The following TFEC variants were observed in gnomAD, a reference collection of about 807,000 sequenced individuals.
TFEC encodes the protein class E basic helix-loop-helix protein 34.
A neutral mutation model predicts 41.6 loss-of-function variants in TFEC; 31 were observed. The observed-to-expected ratio is 0.74, with a 90% confidence interval of 0.56 to 1.01. TFEC has a LOEUF of 1.01. TFEC is among the 50% of genes least tolerant of loss of function. The pLI, the probability that TFEC is intolerant of heterozygous loss-of-function variation, is 0.00. For missense variants in TFEC, 402 were observed against 404.1 expected, an observed-to-expected ratio of 0.99 and a Z score of 0.04; for synonymous variants, 143 against 140.6, an observed-to-expected ratio of 1.02 and a Z score of -0.12.
intron 6 of TFEC, among the ~76,000 whole-genome samples, chr7:115,946,207 A>C (rs1791536731): frequency 1.3e-5 from 2 of 151,338 alleles, no homozygotes; most frequent in Admixed American, 1.3e-4. Flanking sequence ...AGAGACTTTA[A>C]AAGATTTGAA....
chr7:116,055,845 T>G (rs1256049376), intron 3 of TFEC, among the ~76,000 whole-genome samples: 1 of 152,122 alleles, frequency 6.6e-6, no homozygotes, highest in African/African-American at 2.4e-5. Context: ...TTATTGTTTC[T>G]GTGTTCTTTT....
At chr7:116,057,115 T>A (rs1796449933) in intron 3 of TFEC, among the ~76,000 whole-genome samples, 1 of 151,886 alleles carries the variant, frequency 6.6e-6, no homozygotes, top group African/African-American at 2.4e-5. Flanking sequence ...TAAAATGAAA[T>A]GCAGAGTAAA....
At chr7:116,049,703 T>C (rs928272390) in intron 3 of TFEC, among the ~76,000 whole-genome samples, 10 of 152,210 alleles carry the variant, frequency 6.6e-5, no homozygotes, top group Admixed American at 6.6e-5. Context: ...CTCACACTTA[T>C]TCCAAAATTG....
rs1793340485 is a variant in TFEC at position 115,938,594 on chromosome 7, G to C, written c.*1957C>G. 1.3e-5 allele frequency: 2 copies of C among 151,762 alleles called. No individual in the cohort carries two copies. Among genetic ancestry groups the C allele is most frequent in the African/African-American group, 4.8e-5 (2 of 41,354 alleles). The allele number at this position is 151,762 out of a possible 1,614,324, so 9.4% of individuals were successfully genotyped here. On this transcript the variant is annotated 3_prime_UTR_variant, in exon 8 of 8. Coordinates refer to ENST00000265440, the MANE Select transcript of TFEC (RefSeq NM_012252.4). The stretch of plus-strand genomic sequence containing the variant: ...AGCAAATGATACAAGCTAAGCCTGA[G>C]ATAATTATTATACCATAATGATTTA...
At chr7:116,140,492 A>G (rs114579560) in intron 1 of TFEC, among the ~76,000 whole-genome samples, 1 of 152,342 alleles carries the variant, frequency 6.6e-6, no homozygotes, top group African/African-American at 2.4e-5. Context: ...TCCTCTCCAA[A>G]TCCTGAATTT....
At chr7:116,099,675 C>T (rs1037597774) in intron 3 of TFEC, among the ~76,000 whole-genome samples, 2 of 152,140 alleles carry the variant, frequency 1.3e-5, no homozygotes, top group African/African-American at 4.8e-5. Context: ...AGGACACTCA[C>T]CCAACAAGAT....
chr7:115,972,466 C>T (rs765324831), intron 3 of TFEC, among the ~76,000 whole-genome samples: 14 of 152,094 alleles, frequency 9.2e-5, no homozygotes, highest in African/African-American at 2.4e-4. Context: ...CATTCTTTCC[C>T]GCCCTCTCTC....
intron 1 of TFEC, among the ~76,000 whole-genome samples, chr7:115,995,771 G>T (rs557065412): frequency 6.6e-6 from 1 of 152,134 alleles, no homozygotes; most frequent in Non-Finnish European, 1.5e-5. Flanking sequence ...CTGTGCTCTT[G>T]GGGGAGAAAG....
intron 3 of TFEC, among the ~76,000 whole-genome samples, chr7:116,103,647 G>C (rs1797652735): frequency 2.0e-5 from 3 of 152,044 alleles, no homozygotes; most frequent in Admixed American, 2.0e-4. Context: ...TTCAGCCACA[G>C]GGTCAGTTAA....
intron 1 of TFEC, among the ~76,000 whole-genome samples, chr7:116,138,305 T>C (rs1444972381): frequency 6.6e-6 from 1 of 152,226 alleles, no homozygotes; most frequent in African/African-American, 2.4e-5. Context: ...TTTCTGATTT[T>C]TTCATAAGCA....
chr7:115,959,867 T>C lies in TFEC; in HGVS notation c.268-3074A>G, dbSNP rs79392078. Among the ~76,000 whole-genome samples, 51 of 151,630 alleles carry C rather than the reference T, an allele frequency of 3.4e-4. 2 individuals carry two copies. The East Asian group carries it at 9.7e-3, about 29-fold the overall frequency. Reference sequence around the variant, plus strand: ...CACCTAAACAATACAGGGAATAGAATTATTAGAACTAAATTACAGATAACA... The same window carrying C: ...CACCTAAACAATACAGGGAATAGAACTATTAGAACTAAATTACAGATAACA... On this transcript the variant is annotated intron_variant, in intron 3 of 7. Coordinates refer to ENST00000265440, the MANE Select transcript of TFEC (RefSeq NM_012252.4).
At chr7:116,089,267 T>C (rs1562965213) in intron 3 of TFEC, among the ~76,000 whole-genome samples, 2 of 151,840 alleles carry the variant, frequency 1.3e-5, no homozygotes, top group Admixed American at 6.6e-5. Flanking sequence ...CTTGGAAAAA[T>C]AGGAAGTGTA....
At chr7:116,088,983 A>G (rs112735518) in intron 3 of TFEC, among the ~76,000 whole-genome samples, 4,155 of 152,180 alleles carry the variant, frequency 0.027, 71 homozygotes, top group Middle Eastern at 0.041. Context: ...AACTTGGACA[A>G]GTTGCTTACT....
At chr7:116,141,900 C>T (rs995705612) in intron 1 of TFEC, among the ~76,000 whole-genome samples, 3 of 152,182 alleles carry the variant, frequency 2.0e-5, no homozygotes, top group Non-Finnish European at 4.4e-5. Context: ...TAAATAGTCG[C>T]TCATGTTAAC....
intron 1 of TFEC, among the ~76,000 whole-genome samples, chr7:116,130,709 C>T (rs1798315203): frequency 6.6e-6 from 1 of 152,102 alleles, no homozygotes; most frequent in Admixed American, 6.5e-5. Context: ...ACCTCCTGAA[C>T]TCAAGCAATC....
intron 1 of TFEC, among the ~76,000 whole-genome samples, chr7:116,124,846 T>C (rs1456596700): frequency 1.3e-5 from 2 of 152,200 alleles, no homozygotes; most frequent in Non-Finnish European, 2.9e-5. Context: ...AAGAGCACTA[T>C]GTATGCAAGG....
intron 1 of TFEC, among the ~76,000 whole-genome samples, chr7:116,148,689 G>A (rs1798693012): frequency 6.6e-6 from 1 of 152,148 alleles, no homozygotes. Flanking sequence ...AATAGGAAGA[G>A]GGAAGACATC....
chr7:116,023,818 G>T (rs1358877538), intron 1 of TFEC, among the ~76,000 whole-genome samples: 1 of 152,040 alleles, frequency 6.6e-6, no homozygotes, highest in Admixed American at 6.6e-5. Flanking sequence ...GCCATAATTT[G>T]GTCTCCTCAG....
At chr7:116,053,585 T>C (rs974486202) in intron 3 of TFEC, among the ~76,000 whole-genome samples, 12 of 152,198 alleles carry the variant, frequency 7.9e-5, no homozygotes, top group African/African-American at 2.7e-4. Flanking sequence ...AATGGGTCAA[T>C]AGGTTAATGG....
Sources: allele counts gnomAD v4.1 joint callset (sites outside exome capture counted in the v4.1 genomes callset), GRCh38; gene constraint gnomAD v4.1.1; transcripts MANE v1.5; gene names NCBI Gene and HGNC (gene_info 2026-07-23, HGNC 2026-07-21).